The following NFIL3 variants were observed in gnomAD, a reference collection of about 807,000 sequenced individuals.
NFIL3 encodes nuclear factor interleukin-3-regulated protein.
In NFIL3, 5 loss-of-function variants were observed where a neutral mutation model predicts 10.0. The ratio of observed to expected loss-of-function variants is 0.50; its 90% confidence interval spans 0.26 to 1.06. The LOEUF (loss-of-function observed/expected upper bound fraction) is 1.06, where lower values mean the gene tolerates loss of function less well. NFIL3 is among the 50% of genes least tolerant of loss of function. The probability of loss-of-function intolerance (pLI) is 0.13; values close to 1 mark genes in which losing one functional copy is unlikely to be tolerated. For synonymous variants in NFIL3, 202 were observed against 206.5 expected, an observed-to-expected ratio of 0.98 and a Z score of 0.19; for missense variants, 436 against 547.6, an observed-to-expected ratio of 0.80 and a Z score of 2.03.
chr9:91,468,415 T>C, the NFIL3 span, among the ~76,000 whole-genome samples: 1 of 152,212 alleles, frequency 6.6e-6, no homozygotes, highest in Admixed American at 6.5e-5. Flanking sequence ...TTGTTTGAGT[T>C]CTTTGTCAAT....
At chr9:91,468,481 G>A in the NFIL3 span, among the ~76,000 whole-genome samples, 1 of 152,104 alleles carries the variant, frequency 6.6e-6, no homozygotes, top group African/African-American at 2.4e-5. Context: ...CTCCCATTCT[G>A]TAGGTTGCCT....
chr9:91,413,351 C>T (rs1199697854), intron 1 of NFIL3, among the ~76,000 whole-genome samples: 2 of 151,906 alleles, frequency 1.3e-5, no homozygotes, highest in African/African-American at 2.4e-5. Context: ...CAGGCTCAAG[C>T]GACTCTCCTG....
chr9:91,420,857 G>A (rs904878917), intron 1 of NFIL3, among the ~76,000 whole-genome samples: 1 of 151,972 alleles, frequency 6.6e-6, no homozygotes, highest in Non-Finnish European at 1.5e-5. Flanking sequence ...TTTGAACTCT[G>A]GAGATCAGTG....
At chr9:91,426,182 ATTG>A (rs1833871979), upstream of NFIL3, 1 of 152,146 alleles carries the variant, frequency 6.6e-6, no homozygotes, top group African/African-American at 2.4e-5. Flanking sequence ...AGTATTTTAG[ATTG>A]TGTATGTATT....
At chr9:91,424,823 T>G (rs749381634), upstream of NFIL3, among the ~76,000 whole-genome samples, 43 of 152,250 alleles carry the variant, frequency 2.8e-4, no homozygotes, top group Non-Finnish European at 4.6e-4. Flanking sequence ...GATCTCTTCC[T>G]GTGATTTTGA....
chr9:91,409,402 C>G lies in NFIL3; in HGVS notation c.1333G>C (p.Val445Leu), dbSNP rs1250876908. Residue 445 changes from valine to leucine, a missense_variant, in exon 2 of 2, where the codon GTC becomes CTC. Val to Leu is a conservative substitution (Grantham distance 32). Transcript: ENST00000297689. ...QGIANLSAEV[V>L]SLKRLIATQP... ...GTGGCTATAAGTCTCTTGAGTGAGACAACCTCTGCAGATAAGTTTGCTATC... is the reference window on the plus strand; with the variant it reads ...GTGGCTATAAGTCTCTTGAGTGAGAGAACCTCTGCAGATAAGTTTGCTATC... The G allele has an allele frequency of 6.2e-7, 1 of 1,610,198 alleles. No homozygotes were observed. Among genetic ancestry groups the G allele is most frequent in the African/African-American group, 1.3e-5 (1 of 74,732 alleles).
At chr9:91,481,993 G>GA in the NFIL3 span, among the ~76,000 whole-genome samples, 6 of 152,102 alleles carry the variant, frequency 3.9e-5, no homozygotes, top group South Asian at 2.1e-4. Context: ...TTAAAAGTGA[G>GA]AAAAAATGAC....
At chr9:91,456,234 C>A in the NFIL3 span, among the ~76,000 whole-genome samples, 1 of 152,188 alleles carries the variant, frequency 6.6e-6, no homozygotes, top group South Asian at 2.1e-4. Context: ...CATGTGTTTG[C>A]GTGTCTTAGG....
the NFIL3 span, among the ~76,000 whole-genome samples, chr9:91,453,586 G>T: frequency 6.6e-6 from 1 of 151,826 alleles, no homozygotes; most frequent in Admixed American, 6.5e-5. Context: ...TCTCCTGTGG[G>T]TATACTAATA....
At chr9:91,460,068 C>G in the NFIL3 span, among the ~76,000 whole-genome samples, 13 of 145,690 alleles carry the variant, frequency 8.9e-5, no homozygotes, top group African/African-American at 3.6e-4. Context: ...GAGTTGAGCT[C>G]CCTTCTCCCC....
At chr9:91,415,978 A>G (rs886555090) in intron 1 of NFIL3, among the ~76,000 whole-genome samples, 1 of 151,946 alleles carries the variant, frequency 6.6e-6, no homozygotes, top group Non-Finnish European at 1.5e-5. Context: ...CAAAGATACT[A>G]TCTAGAACTT....
At chr9:91,439,130 A>G in the NFIL3 span, among the ~76,000 whole-genome samples, 3 of 152,150 alleles carry the variant, frequency 2.0e-5, no homozygotes, top group Non-Finnish European at 2.9e-5. Context: ...TAAAAACATT[A>G]ATTATTGTAT....
At chr9:91,446,768 CCCTT>C in the NFIL3 span, among the ~76,000 whole-genome samples, 2 of 151,954 alleles carry the variant, frequency 1.3e-5, no homozygotes, top group Non-Finnish European at 2.9e-5. Context: ...CTCCCTCCCT[CCCTT>C]CCTTCCTCCC....
the NFIL3 span, among the ~76,000 whole-genome samples, chr9:91,449,913 ATTT>A: frequency 1.3e-5 from 2 of 152,044 alleles, no homozygotes; most frequent in Middle Eastern, 6.4e-3. Context: ...TTTTCTGTTT[ATTT>A]TTAAGTCAGT....
the NFIL3 span, among the ~76,000 whole-genome samples, chr9:91,460,056 C>A: frequency 1.8e-4 from 27 of 149,784 alleles, no homozygotes; most frequent in East Asian, 4.1e-3. Context: ...AAAATAATGT[C>A]TGAGTTGAGC....
chr9:91,442,360 C>G, the NFIL3 span, among the ~76,000 whole-genome samples: 1 of 152,178 alleles, frequency 6.6e-6, no homozygotes, highest in Non-Finnish European at 1.5e-5. Flanking sequence ...TCTCTTGCTA[C>G]CTTTTAAATT....
the NFIL3 span, among the ~76,000 whole-genome samples, chr9:91,433,303 T>C: frequency 2.0e-5 from 3 of 152,234 alleles, no homozygotes; most frequent in East Asian, 5.8e-4. Flanking sequence ...CTGAGACTCA[T>C]TATGTTTCAG....
the NFIL3 span, among the ~76,000 whole-genome samples, chr9:91,462,913 A>C: frequency 6.6e-6 from 1 of 151,718 alleles, no homozygotes; most frequent in African/African-American, 2.4e-5. Flanking sequence ...TTTTTGTATA[A>C]GTTTTGGTAG....
upstream of NFIL3, among the ~76,000 whole-genome samples, chr9:91,425,050 A>C (rs990421117): frequency 6.6e-6 from 1 of 152,216 alleles, no homozygotes; most frequent in Non-Finnish European, 1.5e-5. Flanking sequence ...GAAGGGAGCC[A>C]TGTTCCCGAC....
Sources: allele counts gnomAD v4.1 joint callset (sites outside exome capture counted in the v4.1 genomes callset), GRCh38; gene constraint gnomAD v4.1.1; transcripts MANE v1.5; gene names NCBI Gene and HGNC (gene_info 2026-07-23, HGNC 2026-07-21).